TDRD3: variants seen among roughly 807,000 people sequenced by gnomAD.
TDRD3 encodes the protein tudor domain containing 3, also known as tudor domain-containing protein 3.
Under a neutral mutation model 86.7 loss-of-function variants are expected in TDRD3, and 45 were observed. That is an observed-to-expected ratio of 0.52 (90% CI 0.41 to 0.67). TDRD3 has a LOEUF of 0.67. TDRD3 is among the 30% of genes least tolerant of loss of function. TDRD3 has a pLI of 0.00. For missense variants in TDRD3, 814 were observed against 889.0 expected (o/e 0.92, Z 1.07); for synonymous variants, 298 against 301.7 (o/e 0.99, Z 0.13).
chr13:60,401,924 A>G (rs1357318399), intron 1 of TDRD3, among the ~76,000 whole-genome samples: 5 of 152,240 alleles, frequency 3.3e-5, no homozygotes, highest in African/African-American at 1.2e-4. Context: ...GAAAACAACC[A>G]TGGGATAAAT....
intron 3 of TDRD3, among the ~76,000 whole-genome samples, chr13:60,450,139 T>A (rs1955502369): frequency 6.6e-6 from 1 of 152,178 alleles, no homozygotes; most frequent in African/African-American, 2.4e-5. Context: ...ACTTTAGAGA[T>A]AAGAGAATTG....
In TDRD3 at chr13:60,397,332, A is replaced by G; in HGVS notation, c.-33A>G. On this transcript the variant is annotated 5_prime_UTR_variant, in exon 1 of 14. Coordinates refer to ENST00000377881, the MANE Select transcript of TDRD3 (RefSeq NM_001146070.2). ...GAGGCCTCCCCATCACCCCCACCCC[A>G]GCCCCCCACCACCCCCGGCCTAAGC... The G allele has an allele frequency of 1.3e-6, 1 of 771,364 alleles. No individual in the cohort carries two copies. Among genetic ancestry groups the G allele is most frequent in the Non-Finnish European group, 1.9e-6 (1 of 529,590 alleles). 47.8% of individuals were successfully genotyped at this position (771,364 alleles called of 1,614,324 possible).
At chr13:60,448,140 C>A (rs114683406) in intron 3 of TDRD3, among the ~76,000 whole-genome samples, 1 of 152,046 alleles carries the variant, frequency 6.6e-6, no homozygotes, top group Non-Finnish European at 1.5e-5. Context: ...TTAGATAATG[C>A]TGTTTTCAGC....
intron 12 of TDRD3, among the ~76,000 whole-genome samples, chr13:60,549,639 G>A (rs1958004485): frequency 6.6e-6 from 1 of 152,080 alleles, no homozygotes; most frequent in African/African-American, 2.4e-5. Flanking sequence ...TTAAAAAGTT[G>A]TGATATTTAC....
intron 12 of TDRD3, among the ~76,000 whole-genome samples, chr13:60,539,155 CTT>C (rs1436959546): frequency 6.6e-6 from 1 of 151,984 alleles, no homozygotes; most frequent in Admixed American, 6.6e-5. Flanking sequence ...AGCATCCTAT[CTT>C]AAGTGTTTTT....
At chr13:60,464,757 TCTC>T (rs1309987863) in intron 4 of TDRD3, among the ~76,000 whole-genome samples, 2 of 151,852 alleles carry the variant, frequency 1.3e-5, no homozygotes, top group African/African-American at 4.8e-5. Flanking sequence ...AAAAAATTGA[TCTC>T]CTGGAGATAG....
intron 1 of TDRD3, among the ~76,000 whole-genome samples, chr13:60,408,989 G>T (rs1315103919): frequency 6.6e-6 from 1 of 152,182 alleles, no homozygotes; most frequent in Non-Finnish European, 1.5e-5. Flanking sequence ...TGGGCCCAGG[G>T]TCCCTGTGCT....
At chr13:60,561,863 T>TTTGTTG (rs535474569) in intron 12 of TDRD3, among the ~76,000 whole-genome samples, 22 of 117,346 alleles carry the variant, frequency 1.9e-4, no homozygotes, top group South Asian at 3.7e-4. Flanking sequence ...GCCCAGGTTT[T>TTTGTTG]TTGTTGTTGT....
chr13:60,445,429 T>C (rs1474311474), intron 3 of TDRD3, among the ~76,000 whole-genome samples: 1 of 152,190 alleles, frequency 6.6e-6, no homozygotes, highest in Non-Finnish European at 1.5e-5. Context: ...TCTTGATTCC[T>C]TTGTTTATTT....
chr13:60,533,955 G>A (rs559639268), intron 11 of TDRD3, among the ~76,000 whole-genome samples: 1 of 152,182 alleles, frequency 6.6e-6, no homozygotes, highest in Non-Finnish European at 1.5e-5. Context: ...GGGATGATCT[G>A]TACTGAAAGA....
chr13:60,431,703 CAAAAAAAAAAA>C (rs67787868), intron 1 of TDRD3, among the ~76,000 whole-genome samples: 5 of 63,006 alleles, frequency 7.9e-5, no homozygotes, highest in Non-Finnish European at 1.5e-4. Flanking sequence ...CTATCTTTAC[CAAAAAAAAAAA>C]AAAAAAAAAA....
rs560787842 is a variant in TDRD3 at position 60,445,192 on chromosome 13, A to G, written c.192+444A>G. Among the ~76,000 whole-genome samples, 13 of 152,340 alleles carry G rather than the reference A, an allele frequency of 8.5e-5. No individual in the cohort carries two copies. The South Asian group carries it at 1.9e-3, about 22-fold the overall frequency. ...TGAAGCTGTGCATTTGTCTATTGCA[A>G]TCATTTTGCAGTACACACATATGTA... On this transcript the variant is annotated intron_variant, in intron 3 of 13. Transcript: ENST00000377881.
chr13:60,437,536 A>G (rs1026376374), intron 1 of TDRD3, among the ~76,000 whole-genome samples: 2 of 151,896 alleles, frequency 1.3e-5, no homozygotes, highest in Admixed American at 6.6e-5. Flanking sequence ...TTAATTTTAC[A>G]TCTCTAGGAC....
In TDRD3 at chr13:60,528,643, C is replaced by A. The variant is rs201037022; in HGVS notation, c.1418C>A (p.Pro473Gln). Residue 473 changes from proline to glutamine, a missense_variant, in exon 11 of 14, where the codon CCG becomes CAG. Coordinates refer to ENST00000377881, the MANE Select transcript of TDRD3 (RefSeq NM_001146070.2). ...WAEDRIKCDR[P>Q]YSRYDRTKDT... ...GAAGACAGAATCAAATGTGATAGAC[C>A]GTATTCTAGATATGACAGAACTAAA... 1.5e-5 allele frequency: 24 copies of A among 1,613,768 alleles called. No homozygotes were observed. Among genetic ancestry groups the A allele is most frequent in the Non-Finnish European group, 1.9e-5 (23 of 1,179,874 alleles).
rs559177918 is a variant in TDRD3 at position 60,439,019 on chromosome 13, T to A, written c.42-669T>A. On this transcript the variant is annotated intron_variant, in intron 1 of 13. Coordinates refer to ENST00000377881, the MANE Select transcript of TDRD3 (RefSeq NM_001146070.2). ...ACGAATTTTTTTCCTTCAGATTCAG[T>A]AATCTCTTTACTCTTGAATTAATTG... Among the ~76,000 whole-genome samples, 7 of 152,262 alleles carry A rather than the reference T, an allele frequency of 4.6e-5. No individual in the cohort carries two copies. The South Asian group carries it at 1.4e-3, about 32-fold the overall frequency.
At chr13:60,526,533 T>G (rs1192509957) in intron 10 of TDRD3, among the ~76,000 whole-genome samples, 1 of 151,774 alleles carries the variant, frequency 6.6e-6, no homozygotes, top group Non-Finnish European at 1.5e-5. Context: ...TTTTCTTCTC[T>G]CTAAAGAAAA....
At chr13:60,526,833 T>A (rs1331246247) in intron 10 of TDRD3, among the ~76,000 whole-genome samples, 1 of 151,982 alleles carries the variant, frequency 6.6e-6, no homozygotes, top group African/African-American at 2.4e-5. Flanking sequence ...TTGGACCACT[T>A]TGAGTCTTTT....
intron 11 of TDRD3, among the ~76,000 whole-genome samples, chr13:60,534,068 T>G (rs1426244221): frequency 6.6e-6 from 1 of 152,170 alleles, no homozygotes; most frequent in African/African-American, 2.4e-5. Context: ...CCCAACACTT[T>G]GGGAGGCCAA....
intron 1 of TDRD3, among the ~76,000 whole-genome samples, chr13:60,417,429 C>T (rs1954552256): frequency 6.6e-6 from 1 of 150,602 alleles, no homozygotes; most frequent in African/African-American, 2.4e-5. Context: ...GCAACCTTTG[C>T]CTCCTGGATT....
Sources: allele counts gnomAD v4.1 joint callset (sites outside exome capture counted in the v4.1 genomes callset), GRCh38; gene constraint gnomAD v4.1.1; transcripts MANE v1.5; gene names NCBI Gene and HGNC (gene_info 2026-07-23, HGNC 2026-07-21).